The following TENM3 variants were observed in gnomAD, a reference collection of about 807,000 sequenced individuals.
TENM3 encodes the protein teneurin-3.
In TENM3, 63 loss-of-function variants were observed where a neutral mutation model predicts 255.1. That is an observed-to-expected ratio of 0.25 (90% CI 0.20 to 0.30). The LOEUF (loss-of-function observed/expected upper bound fraction) is 0.30, where lower values mean the gene tolerates loss of function less well. Ranked by LOEUF, TENM3 falls within the 10% of genes least tolerant of loss-of-function variation. The probability of loss-of-function intolerance (pLI) is 1.00; values close to 1 mark genes in which losing one functional copy is unlikely to be tolerated. For synonymous variants in TENM3, 1,306 were observed against 1,322.3 expected, an observed-to-expected ratio of 0.99 and a Z score of 0.27; for missense variants, 2,929 against 3,461.1, an observed-to-expected ratio of 0.85 and a Z score of 3.86.
At chr4:182,655,093 T>C (rs1753642587) in intron 6 of TENM3, among the ~76,000 whole-genome samples, 1 of 152,196 alleles carries the variant, frequency 6.6e-6, no homozygotes, top group African/African-American at 2.4e-5. Flanking sequence ...AAACTATAGA[T>C]TGGGAAATTT....
chr4:181,681,590 A>G, the TENM3 span, among the ~76,000 whole-genome samples: 8 of 152,216 alleles, frequency 5.3e-5, no homozygotes, highest in South Asian at 6.2e-4. Flanking sequence ...CTCTGTCTAG[A>G]TCAGAATTCT....
chr4:182,697,810 A>G (rs1189148858), intron 12 of TENM3: 1 of 152,128 alleles, frequency 6.6e-6, no homozygotes, highest in Non-Finnish European at 1.5e-5. Context: ...AGGTCACTTA[A>G]TCTCTTTTCT....
At chr4:182,603,273 T>G (rs1748071405) in intron 4 of TENM3, among the ~76,000 whole-genome samples, 1 of 152,196 alleles carries the variant, frequency 6.6e-6, no homozygotes, top group South Asian at 2.1e-4. Context: ...ATGCCATTAA[T>G]GAATCATCAA....
At chr4:182,228,588 C>G (rs62354179) in intron 1 of TENM3, among the ~76,000 whole-genome samples, 28,195 of 151,180 alleles carry the variant, frequency 0.19, 2,919 homozygotes, top group Non-Finnish European at 0.22. Flanking sequence ...AGTCTTGTCA[C>G]TGCTAATTGG....
intron 11 of TENM3, among the ~76,000 whole-genome samples, chr4:182,683,419 G>A (rs943826108): frequency 6.6e-6 from 1 of 152,146 alleles, no homozygotes; most frequent in African/African-American, 2.4e-5. Context: ...GCTCATTGCA[G>A]CATTTCAGAT....
At chr4:181,956,341 T>C in the TENM3 span, among the ~76,000 whole-genome samples, 2 of 152,206 alleles carry the variant, frequency 1.3e-5, no homozygotes, top group Non-Finnish European at 2.9e-5. Flanking sequence ...CAACAATTCA[T>C]ACTCTCAGAA....
chr4:182,043,281 T>G, the TENM3 span, among the ~76,000 whole-genome samples: 1 of 152,224 alleles, frequency 6.6e-6, no homozygotes, highest in African/African-American at 2.4e-5. Context: ...TCCGTTGATC[T>G]CAATTTAGGT....
intron 3 of TENM3, among the ~76,000 whole-genome samples, chr4:182,509,573 T>G (rs1451465853): frequency 1.3e-5 from 2 of 152,178 alleles, no homozygotes; most frequent in Non-Finnish European, 2.9e-5. Context: ...CCAGAAGAAT[T>G]GAGTATCTCT....
At chr4:182,529,062 C>G (rs941361697) in intron 3 of TENM3, among the ~76,000 whole-genome samples, 2 of 152,218 alleles carry the variant, frequency 1.3e-5, no homozygotes, top group Non-Finnish European at 2.9e-5. Context: ...TCTATGCTTG[C>G]GACAAACTCA....
the TENM3 span, among the ~76,000 whole-genome samples, chr4:181,453,810 C>T: frequency 6.6e-6 from 1 of 152,112 alleles, no homozygotes; most frequent in Non-Finnish European, 1.5e-5. Context: ...GTCAGGTCTT[C>T]AGGAACTCCC....
In TENM3 at chr4:182,793,442, C is replaced by T. The variant is rs1766257775; in HGVS notation, c.6770C>T (p.Thr2257Ile). The T allele has an allele frequency of 6.2e-7, 1 of 1,613,886 alleles. No individual in the cohort carries two copies. Among genetic ancestry groups the T allele is most frequent in the Non-Finnish European group, 8.5e-7 (1 of 1,179,854 alleles). ...TTTTATGCTGACTTAACTTATCCCACTAGGATTACTCATGTCTACAACCAT... is the reference window on the plus strand; with the variant it reads ...TTTTATGCTGACTTAACTTATCCCATTAGGATTACTCATGTCTACAACCAT... ...QFFYADLTYP[T>I]RITHVYNHSS... is the part of the protein sequence containing the mutation. The change falls in exon 26 of 28, where the codon ACT becomes ATT. Residue 2257 changes from threonine to isoleucine, a missense_variant. Transcript: ENST00000511685. This position sits in a 1 kb window ranked among gnomAD's most constrained non-coding sequence, Gnocchi z 5.7.
At chr4:182,723,125 T>G (rs1759884274) in intron 13 of TENM3, among the ~76,000 whole-genome samples, 2 of 152,202 alleles carry the variant, frequency 1.3e-5, no homozygotes, top group Non-Finnish European at 2.9e-5. Flanking sequence ...AATTGGTGGC[T>G]TTGTAGTTCA....
chr4:182,481,614 G>A (rs1209624201), intron 3 of TENM3, among the ~76,000 whole-genome samples: 2 of 135,822 alleles, frequency 1.5e-5, no homozygotes, highest in Non-Finnish European at 3.3e-5. Flanking sequence ...GAGCAACACG[G>A]TGAAACCCCG....
the TENM3 span, among the ~76,000 whole-genome samples, chr4:181,488,519 A>T: frequency 2.6e-5 from 4 of 152,190 alleles, no homozygotes; most frequent in Admixed American, 6.5e-5. Context: ...TTGGGAAAAA[A>T]ACTGTAGGAA....
the TENM3 span, among the ~76,000 whole-genome samples, chr4:181,509,690 G>A: frequency 6.6e-6 from 1 of 152,180 alleles, no homozygotes; most frequent in Non-Finnish European, 1.5e-5. Context: ...TTCAGTTCTG[G>A]TCAAAGCAGT....
chr4:181,625,422 T>C, the TENM3 span, among the ~76,000 whole-genome samples: 1 of 152,156 alleles, frequency 6.6e-6, no homozygotes, highest in Non-Finnish European at 1.5e-5. Context: ...GTCCTGCCCA[T>C]CAGCAGAGGA....
the TENM3 span, among the ~76,000 whole-genome samples, chr4:182,111,954 C>A: frequency 6.6e-6 from 1 of 152,130 alleles, no homozygotes; most frequent in South Asian, 2.1e-4. Context: ...TAGAAAAATT[C>A]CATCCATGGT....
intron 5 of TENM3, 138 bp from the exon 6 acceptor site, chr4:182,653,633 C>T: frequency 1.1e-6 from 1 of 921,426 alleles, no homozygotes; most frequent in Non-Finnish European, 1.6e-6. Context: ...TTATAATTTT[C>T]ATTGCGCAGT....
chr4:181,570,192 C>T, the TENM3 span, among the ~76,000 whole-genome samples: 1 of 151,712 alleles, frequency 6.6e-6, no homozygotes, highest in Non-Finnish European at 1.5e-5. Flanking sequence ...ACTACAGGCG[C>T]CCGCCACCGC....
Sources: gnomAD v4.1 joint callset for allele counts (sites outside exome capture counted in the v4.1 genomes callset) on GRCh38, gnomAD v4.1.1 for gene constraint, Gnocchi (gnomAD v3.1) non-coding constraint, MANE v1.5 for transcripts, NCBI Gene and HGNC (gene_info 2026-07-23, HGNC 2026-07-21) for gene names.